The following CSMD1 variants were observed in gnomAD, a reference collection of about 807,000 sequenced individuals.
The protein encoded by CSMD1 is CUB and sushi domain-containing protein 1.
Under a neutral mutation model 417.5 loss-of-function variants are expected in CSMD1, and 213 were observed. The observed-to-expected ratio is 0.51, with a 90% CI of 0.46 to 0.57. The LOEUF is 0.57. Among genes scored for constraint, CSMD1 ranks in the 20% least tolerant of loss-of-function variants. The pLI is 0.00. For missense variants in CSMD1, 6,923 were observed against 4,529.7 expected, an observed-to-expected ratio of 1.53 and a Z score of -15.17; for synonymous variants, 2,862 against 1,736.8, an observed-to-expected ratio of 1.65 and a Z score of -16.11.
intron 20 of CSMD1, among the ~76,000 whole-genome samples, chr8:3,360,416 T>C (rs1417279548): frequency 6.6e-6 from 1 of 152,234 alleles, no homozygotes; most frequent in Non-Finnish European, 1.5e-5. Flanking sequence ...TCTTGGTCCA[T>C]TATCAAGTCC....
intron 7 of CSMD1, among the ~76,000 whole-genome samples, chr8:3,686,402 T>C (rs972577857): frequency 7.7e-4 from 118 of 152,272 alleles, no homozygotes; most frequent in African/African-American, 2.8e-3. Context: ...GAGAGTTGCA[T>C]CCTGCGTGAC....
At chr8:3,213,820 G>A (rs929461704) in intron 30 of CSMD1, among the ~76,000 whole-genome samples, 1 of 148,936 alleles carries the variant, frequency 6.7e-6, no homozygotes, top group Non-Finnish European at 1.5e-5. Flanking sequence ...ATATATATAT[G>A]TGTGTCTGTG....
At chr8:3,911,943 T>C (rs1025273773) in intron 5 of CSMD1, among the ~76,000 whole-genome samples, 1 of 152,232 alleles carries the variant, frequency 6.6e-6, no homozygotes, top group Non-Finnish European at 1.5e-5. Flanking sequence ...TTTCCCTATA[T>C]GTCCACCTGA....
chr8:3,050,550 G>A (rs7462914), intron 50 of CSMD1, among the ~76,000 whole-genome samples: 112,275 of 152,036 alleles, frequency 0.74, 41,970 homozygotes, highest in East Asian at 0.81. Context: ...TGAGAGAATA[G>A]TTCTGTTTAG....
intron 10 of CSMD1, among the ~76,000 whole-genome samples, chr8:3,544,557 G>A (rs554135751): frequency 1.3e-5 from 2 of 152,144 alleles, no homozygotes; most frequent in African/African-American, 4.8e-5. Flanking sequence ...TTTCTTGCAT[G>A]AGATCCAAGA....
chr8:4,741,926 T>C (rs1810636049), intron 1 of CSMD1, among the ~76,000 whole-genome samples: 1 of 147,330 alleles, frequency 6.8e-6, no homozygotes, highest in East Asian at 2.0e-4. Flanking sequence ...TTCGACTTCC[T>C]GGGCTCAAGG....
intron 2 of CSMD1, among the ~76,000 whole-genome samples, chr8:4,578,332 ATTTTT>A (rs1172600205): frequency 2.7e-4 from 13 of 48,776 alleles, no homozygotes; most frequent in African/African-American, 9.2e-4. Context: ...CACCCGGCTC[ATTTTT>A]TTTTTTTTTT....
intron 3 of CSMD1, among the ~76,000 whole-genome samples, chr8:4,348,536 C>G (rs1434020027): frequency 6.8e-6 from 1 of 148,012 alleles, no homozygotes; most frequent in Non-Finnish European, 1.5e-5. Flanking sequence ...AGAGTTGTAT[C>G]ACAAATAAAA....
intron 5 of CSMD1, among the ~76,000 whole-genome samples, chr8:3,933,951 G>A (rs1482952025): frequency 6.6e-6 from 1 of 152,072 alleles, no homozygotes; most frequent in Non-Finnish European, 1.5e-5. Context: ...CAGGGACCTA[G>A]GCAGGGACCA....
intron 25 of CSMD1, among the ~76,000 whole-genome samples, chr8:3,285,035 C>T (rs768202915): frequency 6.6e-6 from 1 of 152,112 alleles, no homozygotes; most frequent in East Asian, 1.9e-4. Flanking sequence ...GCAGCAGGAT[C>T]TATGTAGTCC....
chr8:3,684,912 A>G (rs140173117), intron 7 of CSMD1, among the ~76,000 whole-genome samples: 3 of 152,274 alleles, frequency 2.0e-5, no homozygotes, highest in Non-Finnish European at 4.4e-5. Flanking sequence ...ATTTGTAATG[A>G]TGCCGGGAAG....
chr8:4,308,262 G>C (rs946317301), intron 3 of CSMD1, among the ~76,000 whole-genome samples: 5 of 152,076 alleles, frequency 3.3e-5, no homozygotes, highest in Admixed American at 6.6e-5. Context: ...ATGTGTGTGT[G>C]TGTCTGTTGT....
At chr8:3,383,678 A>G (rs1810784640) in intron 18 of CSMD1, among the ~76,000 whole-genome samples, 1 of 79,262 alleles carries the variant, frequency 1.3e-5, no homozygotes, top group Non-Finnish European at 2.8e-5. Flanking sequence ...GATCGAAGGA[A>G]CTGTATCTAA....
chr8:4,346,562 G>A (rs758053243), intron 3 of CSMD1, among the ~76,000 whole-genome samples: 18 of 152,018 alleles, frequency 1.2e-4, no homozygotes, highest in Non-Finnish European at 2.1e-4. Context: ...GGGCTTGAGC[G>A]TGCTTTTCGT....
chr8:3,690,708 C>A (rs905112046), intron 7 of CSMD1, among the ~76,000 whole-genome samples: 3 of 152,100 alleles, frequency 2.0e-5, no homozygotes, highest in African/African-American at 7.2e-5. Context: ...AAGCGCATAG[C>A]TGATACATCT....
At chr8:2,978,436 G>C (rs1477568636) in intron 55 of CSMD1, among the ~76,000 whole-genome samples, 176 bp downstream of exon 55, 4 of 152,112 alleles carry the variant, frequency 2.6e-5, no homozygotes, top group Non-Finnish European at 5.9e-5. Context: ...TGCTGAAGTT[G>C]TATTTGGTGA....
chr8:3,128,797 G>GT, intron 41 of CSMD1: 1 of 429,880 alleles, frequency 2.3e-6, no homozygotes, highest in African/African-American at 2.1e-5. Flanking sequence ...GTTGTTTCGA[G>GT]TTTTTGTTTT....
rs368532569 is a variant in CSMD1, at chr8:4,955,400, G to A, written c.85+38932C>T. Among the ~76,000 whole-genome samples, 4 of 151,346 alleles carry A rather than the reference G, an allele frequency of 2.6e-5. 1 individual carries two copies. The highest frequency in any genetic ancestry group is 9.7e-5 in the African/African-American group (4 of 41,260). On this transcript the variant is annotated intron_variant, in intron 1 of 69. Transcript: ENST00000635120. ...GTGTCTTTCATGTGTTGAGATTATT[G>A]ATGCCTACTGTGTCTGTTTGGTGGA... is the stretch of plus-strand genomic sequence containing the variant.
intron 5 of CSMD1, among the ~76,000 whole-genome samples, chr8:3,893,363 T>TATATATA (rs1563185043): frequency 6.9e-5 from 2 of 28,814 alleles, no homozygotes; most frequent in African/African-American, 1.5e-4. Flanking sequence ...ATATATATAT[T>TATATATA]ATTTTTTTTC....
Sources: allele counts gnomAD v4.1 joint callset (sites outside exome capture counted in the v4.1 genomes callset), GRCh38; gene constraint gnomAD v4.1.1; transcripts MANE v1.5; gene names NCBI Gene and HGNC (gene_info 2026-07-23, HGNC 2026-07-21).